TEX29: variants seen among roughly 807,000 people sequenced by gnomAD.
TEX29 encodes testis expressed 29.
In TEX29, 26 loss-of-function variants were observed where a neutral mutation model predicts 18.2. The ratio of observed to expected loss-of-function variants is 1.43; its 90% CI spans 1.04 to 1.98. The LOEUF is 1.98. Ranked by LOEUF, TEX29 falls within the 30% of genes most tolerant of loss-of-function variation. The probability of loss-of-function intolerance (pLI) is 0.00; values close to 1 mark genes in which losing one functional copy is unlikely to be tolerated. For missense variants in TEX29, 177 were observed against 194.2 expected, an observed-to-expected ratio of 0.91 and a Z score of 0.53; for synonymous variants, 83 against 78.5, an observed-to-expected ratio of 1.06 and a Z score of -0.31.
chr13:111,338,798 T>C (rs1219168016), intron 3 of TEX29, among the ~76,000 whole-genome samples: 1 of 152,224 alleles, frequency 6.6e-6, no homozygotes, highest in Non-Finnish European at 1.5e-5. Context: ...ATTAAAAAAT[T>C]CCTTACATCA....
upstream of TEX29, among the ~76,000 whole-genome samples, chr13:111,317,935 C>T (rs528416192): frequency 3.9e-5 from 6 of 152,346 alleles, no homozygotes; most frequent in East Asian, 3.9e-4. Context: ...AATAGGACAC[C>T]GGTCCTATTG....
chr13:111,320,988 G>GGGGGGGGGGGGGGGGGGGGGGGGC, intron 2 of TEX29, 40 bp downstream of exon 2: 1 of 431,430 alleles, frequency 2.3e-6, no homozygotes, highest in Non-Finnish European at 4.3e-6. Context: ...TGGGGTGGGG[G>GGGGGGGGGGGGGGGGGGGGGGGGC]AGCAGTTGGG....
chr13:111,320,798 C>A, intron 1 of TEX29, 36 bp downstream of exon 1: 1 of 1,538,610 alleles, frequency 6.5e-7, no homozygotes, highest in Non-Finnish European at 9.0e-7. Flanking sequence ...GTGTGAGCCG[C>A]CCGCTCCCCA....
chr13:111,324,290 G>T lies in TEX29; in HGVS notation c.58+3342G>T, dbSNP rs534814745. Among the ~76,000 whole-genome samples, 44 of 152,308 alleles carry T rather than the reference G, an allele frequency of 2.9e-4. 1 individual carries two copies. In the Middle Eastern group the frequency reaches 0.02, roughly 71 times the overall value. On this transcript the variant is annotated intron_variant, in intron 2 of 5. Transcript: ENST00000283547. ...GAACCCTCAGCTGGGACATTCTAGT[G>T]GGCCGCCGGGCAGTGTGGCTTGGAG...
chr13:111,338,631 A>G (rs1250646776), intron 3 of TEX29, among the ~76,000 whole-genome samples: 1 of 152,176 alleles, frequency 6.6e-6, no homozygotes, highest in East Asian at 1.9e-4. Context: ...AATTGAAGCA[A>G]ATCGTGTCAC....
Position 111,339,403 on chromosome 13 carries a change from G to A in TEX29, c.170-460G>A, listed in dbSNP as rs957441102. On this transcript the variant is annotated intron_variant, in intron 3 of 5. Coordinates refer to ENST00000283547, the MANE Select transcript of TEX29 (RefSeq NM_152324.3). Reference sequence around the variant, plus strand: ...CTCTCCACGCACCCCCAGGGGTCAGGAGCCAGCACCATCTATCCTCCACAC... The same window carrying A: ...CTCTCCACGCACCCCCAGGGGTCAGAAGCCAGCACCATCTATCCTCCACAC... 6.6e-6 allele frequency: 3 copies of A among 455,192 alleles called. No homozygotes were observed. In the Admixed American group the frequency reaches 7.1e-5, roughly 11 times the overall value. The allele number at this position is 455,192 out of a possible 1,614,324, so 28.2% of individuals were successfully genotyped here. A position where few individuals can be genotyped will look rare whatever the true frequency, so the allele number is the denominator to read the frequency against.
chr13:111,321,035 C>A, intron 2 of TEX29, 87 bp downstream of exon 2: 1 of 1,440,378 alleles, frequency 6.9e-7, no homozygotes, highest in South Asian at 1.3e-5. Flanking sequence ...GCCCCTGGCG[C>A]GGACAGGGGG....
At chr13:111,338,049 T>C (rs879694015) in intron 3 of TEX29, among the ~76,000 whole-genome samples, 5 of 152,178 alleles carry the variant, frequency 3.3e-5, no homozygotes, top group Admixed American at 1.3e-4. Context: ...GGCCCTGTGA[T>C]GAGTCCAGGG....
At chr13:111,339,467 A>G (rs897644361) in intron 3 of TEX29, 3 of 417,164 alleles carry the variant, frequency 7.2e-6, no homozygotes, top group Middle Eastern at 8.2e-4. Flanking sequence ...CTCTCAGCAC[A>G]ACCCCGTGGG....
chr13:111,327,079 A>G (rs1158563609), intron 2 of TEX29, among the ~76,000 whole-genome samples: 1 of 152,040 alleles, frequency 6.6e-6, no homozygotes, highest in East Asian at 1.9e-4. Context: ...CTCTCCCTAC[A>G]TGGTAGGTCA....
At chr13:111,343,053 T>C in intron 5 of TEX29, 122 bp downstream of exon 5, 1 of 1,198,614 alleles carries the variant, frequency 8.3e-7, no homozygotes, top group Non-Finnish European at 1.1e-6. Flanking sequence ...GTGATCAGTG[T>C]TGCAGTTTGT....
chr13:111,321,250 T>A (rs1351464945), intron 2 of TEX29, among the ~76,000 whole-genome samples: 1 of 152,258 alleles, frequency 6.6e-6, no homozygotes. Flanking sequence ...GCGCTGAAGA[T>A]CCACTTCAAC....
intron 2 of TEX29, among the ~76,000 whole-genome samples, chr13:111,327,086 G>T (rs1372659808): frequency 1.3e-5 from 2 of 152,282 alleles, no homozygotes; most frequent in Non-Finnish European, 2.9e-5. Context: ...TACATGGTAG[G>T]TCAGCTCAAA....
intron 3 of TEX29, among the ~76,000 whole-genome samples, chr13:111,332,899 C>G (rs957563819): frequency 1.3e-5 from 2 of 152,094 alleles, no homozygotes; most frequent in South Asian, 4.1e-4. Context: ...AAGAGACTCC[C>G]TTTGGTATTT....
intron 2 of TEX29, among the ~76,000 whole-genome samples, chr13:111,325,128 G>A (rs1388469748): frequency 6.6e-6 from 1 of 152,190 alleles, no homozygotes; most frequent in East Asian, 1.9e-4. Context: ...GAAGCACTCG[G>A]CTCATTTTAG....
chr13:111,337,445 C>T (rs1023909182), intron 3 of TEX29, among the ~76,000 whole-genome samples: 2 of 151,918 alleles, frequency 1.3e-5, no homozygotes, highest in African/African-American at 2.4e-5. Context: ...CTCTTCTCCT[C>T]GCATGAGGGC....
At chr13:111,320,833 G>C in intron 1 of TEX29, 24 bp from the exon 2 acceptor site, 2 of 1,610,764 alleles carry the variant, frequency 1.2e-6, no homozygotes, top group Non-Finnish European at 1.7e-6. Flanking sequence ...GGCCCCGCCC[G>C]TGCTGACCTC....
upstream of TEX29, among the ~76,000 whole-genome samples, chr13:111,318,477 G>A (rs77401323): frequency 5.6e-3 from 855 of 152,262 alleles, 7 homozygotes; most frequent in African/African-American, 0.019. Flanking sequence ...ACTCTTCCAC[G>A]GCGTGGCCTC....
At chr13:111,316,215 C>T (rs1364684731), upstream of TEX29, 3 of 505,394 alleles carry the variant, frequency 5.9e-6, no homozygotes, top group Non-Finnish European at 1.2e-5. Context: ...AACCTGATGC[C>T]AGCCATCTGT....
Sources: gnomAD v4.1 joint callset for allele counts (sites outside exome capture counted in the v4.1 genomes callset) on GRCh38, gnomAD v4.1.1 for gene constraint, MANE v1.5 for transcripts, NCBI Gene and HGNC (gene_info 2026-07-23, HGNC 2026-07-21) for gene names.